Variants in SASH1 observed in about 807,000 individuals in gnomAD.
The protein encoded by SASH1 is SAM and SH3 domain containing 1, also known as SAM and SH3 domain-containing protein 1.
A neutral mutation model predicts 125.2 loss-of-function variants in SASH1; 44 were observed. The ratio of observed to expected loss-of-function variants is 0.35; its 90% CI spans 0.28 to 0.45. The LOEUF is 0.45. Ranked by LOEUF, SASH1 falls within the 20% of genes least tolerant of loss-of-function variation. The probability of loss-of-function intolerance (pLI) is 1.00; values close to 1 mark genes in which losing one functional copy is unlikely to be tolerated. For missense variants in SASH1, 1,426 were observed against 1,614.5 expected, an observed-to-expected ratio of 0.88 and a Z score of 2.00; for synonymous variants, 639 against 649.1, an observed-to-expected ratio of 0.98 and a Z score of 0.24.
intron 1 of SASH1, among the ~76,000 whole-genome samples, chr6:148,387,642 T>G (rs1252560654): frequency 3.3e-5 from 2 of 60,336 alleles, no homozygotes; most frequent in East Asian, 5.5e-4. Context: ...CTTTCTTTCT[T>G]TCTTTCTTTC....
At chr6:148,286,397 T>C (rs1779483937) in intron 1 of SASH1, among the ~76,000 whole-genome samples, 2 of 146,238 alleles carry the variant, frequency 1.4e-5, no homozygotes. Flanking sequence ...CTTGACTCCA[T>C]CTCAAAAAAA....
At chr6:148,392,466 A>C (rs567316542) in intron 2 of SASH1, among the ~76,000 whole-genome samples, 1 of 152,206 alleles carries the variant, frequency 6.6e-6, no homozygotes, top group South Asian at 2.1e-4. Context: ...TTTATGTTAC[A>C]TACAAGGGTT....
At chr6:148,285,811 A>T (rs1779466958) in intron 1 of SASH1, among the ~76,000 whole-genome samples, 1 of 152,212 alleles carries the variant, frequency 6.6e-6, no homozygotes, top group Non-Finnish European at 1.5e-5. Flanking sequence ...CACATAATTA[A>T]GGTAGTAAGA....
At chr6:148,459,080 T>G (rs1227670919) in intron 4 of SASH1, among the ~76,000 whole-genome samples, 1 of 151,636 alleles carries the variant, frequency 6.6e-6, no homozygotes, top group African/African-American at 2.4e-5. Flanking sequence ...TTGAAGGAAT[T>G]GAGAAGGCAT....
chr6:148,483,562 A>G (rs974486334), intron 7 of SASH1, among the ~76,000 whole-genome samples: 10 of 152,196 alleles, frequency 6.6e-5, no homozygotes, highest in African/African-American at 1.9e-4. Context: ...GGAGGAGTCT[A>G]GCCTCACTCA....
At chr6:148,477,478 T>G (rs1778415284) in intron 7 of SASH1, among the ~76,000 whole-genome samples, 1 of 152,060 alleles carries the variant, frequency 6.6e-6, no homozygotes, top group Non-Finnish European at 1.5e-5. Context: ...ACATTATTGG[T>G]CATCAGAGAC....
At chr6:148,236,394 T>C in the SASH1 span, among the ~76,000 whole-genome samples, 4 of 152,040 alleles carry the variant, frequency 2.6e-5, no homozygotes, top group Non-Finnish European at 5.9e-5. Flanking sequence ...TGTATTTTTG[T>C]AGAGACAGGG....
At chr6:148,349,682 CA>C (rs1273147827) in intron 1 of SASH1, among the ~76,000 whole-genome samples, 1 of 152,144 alleles carries the variant, frequency 6.6e-6, no homozygotes, top group Non-Finnish European at 1.5e-5. Flanking sequence ...TGTGTCGAGT[CA>C]TTACCTGTCC....
intron 1 of SASH1, among the ~76,000 whole-genome samples, chr6:148,378,357 AT>A (rs397888480): frequency 2.5e-3 from 328 of 133,848 alleles, no homozygotes; most frequent in Middle Eastern, 0.014. Context: ...CCCGGCCACA[AT>A]TTTTTTTTTT....
At chr6:148,305,795 G>A (rs148844503) in intron 1 of SASH1, among the ~76,000 whole-genome samples, 136 of 152,214 alleles carry the variant, frequency 8.9e-4, no homozygotes, top group African/African-American at 3.1e-3. Context: ...AGATAGTGAC[G>A]CACCAGAAAC....
At chr6:148,206,168 C>T in the SASH1 span, among the ~76,000 whole-genome samples, 1 of 151,552 alleles carries the variant, frequency 6.6e-6, no homozygotes, top group Non-Finnish European at 1.5e-5. Flanking sequence ...TTTCATGGGC[C>T]CTTGCTGTAT....
At chr6:148,419,533 C>G (rs1401634073) in intron 2 of SASH1, among the ~76,000 whole-genome samples, 1 of 152,182 alleles carries the variant, frequency 6.6e-6, no homozygotes, top group Non-Finnish European at 1.5e-5. Context: ...TCTAGGTTCA[C>G]GTCATCCTTT....
intron 1 of SASH1, among the ~76,000 whole-genome samples, chr6:148,355,594 G>T (rs756496298): frequency 6.6e-6 from 1 of 152,166 alleles, no homozygotes; most frequent in Non-Finnish European, 1.5e-5. Flanking sequence ...TCTTTGGTTT[G>T]TCATGCCCCT....
rs761629346 is a variant in SASH1 at position 148,514,338 on chromosome 6, G to C, written c.744G>C (p.Ser248=). The C allele has an allele frequency of 1.5e-5, 24 of 1,608,162 alleles. No homozygotes were observed. The highest frequency in any genetic ancestry group is 2.0e-5 in the Non-Finnish European group (23 of 1,178,496). ...TTCTTTGCCAGTCAAGAGAACAATC[G>C]GATGATGAGACTGAGGAGTCGGTGA... is the stretch of plus-strand genomic sequence containing the variant. ...GSSNCNSREQ[S]DDETEESVKF... The change falls in exon 9 of 20, where the codon TCG becomes TCC. Residue 248 remains serine, a synonymous_variant. Transcript: ENST00000367467.
intron 8 of SASH1, among the ~76,000 whole-genome samples, chr6:148,502,119 G>T (rs1354904672): frequency 6.6e-6 from 1 of 152,152 alleles, no homozygotes; most frequent in Non-Finnish European, 1.5e-5. Flanking sequence ...CTCTGCCGCC[G>T]CCTCCTCCTC....
chr6:148,486,312 G>A (rs1778840045), intron 7 of SASH1, among the ~76,000 whole-genome samples: 1 of 152,002 alleles, frequency 6.6e-6, no homozygotes. Flanking sequence ...GTAGAGATGG[G>A]GTTTCATCAT....
chr6:148,453,318 G>C (rs576947316), intron 4 of SASH1, among the ~76,000 whole-genome samples: 1 of 152,288 alleles, frequency 6.6e-6, no homozygotes, highest in South Asian at 2.1e-4. Flanking sequence ...GCCAAGGATG[G>C]GGTGATGGTG....
chr6:148,359,985 C>T (rs1782126023), intron 1 of SASH1, among the ~76,000 whole-genome samples: 1 of 152,156 alleles, frequency 6.6e-6, no homozygotes, highest in African/African-American at 2.4e-5. Context: ...GTCTTGATCT[C>T]CTGACCTTGT....
intron 1 of SASH1, among the ~76,000 whole-genome samples, chr6:148,285,015 T>C (rs1055290071): frequency 1.2e-4 from 18 of 152,218 alleles, no homozygotes; most frequent in Non-Finnish European, 2.5e-4. Context: ...TACCCATTAT[T>C]TGGCTTAAGA....
Sources: allele counts gnomAD v4.1 joint callset (sites outside exome capture counted in the v4.1 genomes callset), GRCh38; gene constraint gnomAD v4.1.1; transcripts MANE v1.5; gene names NCBI Gene and HGNC (gene_info 2026-07-23, HGNC 2026-07-21).